PNPLA1: variants seen among roughly 807,000 people sequenced by gnomAD.
PNPLA1 encodes the protein omega-hydroxyceramide transacylase.
In PNPLA1, 36 loss-of-function variants were observed where a neutral mutation model predicts 51.7. The ratio of observed to expected loss-of-function variants is 0.70; its 90% CI spans 0.53 to 0.92. The LOEUF (loss-of-function observed/expected upper bound fraction) is 0.92, where lower values mean the gene tolerates loss of function less well. PNPLA1 is among the 40% of genes least tolerant of loss of function. The pLI is 0.00. For missense variants in PNPLA1, 658 were observed against 682.5 expected (o/e 0.96, Z 0.40); for synonymous variants, 293 against 280.1 (o/e 1.05, Z -0.46).
At chr6:36,283,895 G>A (rs1770396125) in intron 1 of PNPLA1, among the ~76,000 whole-genome samples, 1 of 152,228 alleles carries the variant, frequency 6.6e-6, no homozygotes, top group African/African-American at 2.4e-5. Flanking sequence ...CTAGATGAGA[G>A]GCAGAATTAA....
In PNPLA1 at chr6:36,307,581, G is replaced by T; in HGVS notation, c.1470-6G>T. ...AATGAACCATCTACTTAATCTCTTT[G>T]CCTAGGGAGAGCCCTGCTGAAGACT... On this transcript the variant is annotated splice_region_variant and splice_polypyrimidine_tract_variant and intron_variant, in intron 7 of 8. Transcript: ENST00000636260. 1.2e-6 allele frequency: 2 copies of T among 1,612,994 alleles called. No homozygotes were observed. Among genetic ancestry groups the T allele is most frequent in the Non-Finnish European group, 1.7e-6 (2 of 1,179,422 alleles).
intron 1 of PNPLA1, among the ~76,000 whole-genome samples, chr6:36,281,126 G>A (rs374942259): frequency 2.4e-4 from 36 of 152,144 alleles, no homozygotes; most frequent in African/African-American, 8.2e-4. Context: ...TTCCTCTTTA[G>A]CTCAGCCCAC....
intron 1 of PNPLA1, among the ~76,000 whole-genome samples, chr6:36,282,092 G>GAGAGAAAGAAAGAAA (rs59914317): frequency 2.5e-5 from 1 of 40,718 alleles, no homozygotes; most frequent in Admixed American, 2.9e-4. Context: ...AAAGAAAGAA[G>GAGAGAAAGAAAGAAA]GAAGGAAGGA....
chr6:36,252,408 G>A (rs548736072), intron 1 of PNPLA1, among the ~76,000 whole-genome samples: 2 of 152,274 alleles, frequency 1.3e-5, no homozygotes, highest in South Asian at 4.1e-4. Flanking sequence ...AGATGAGGCA[G>A]CCCTGAGCGC....
At chr6:36,282,917 T>G (rs1770364480) in intron 1 of PNPLA1, among the ~76,000 whole-genome samples, 2 of 152,322 alleles carry the variant, frequency 1.3e-5, no homozygotes, top group South Asian at 4.1e-4. Context: ...ACCCCTGACC[T>G]CGTGATCTGC....
chr6:36,248,544 C>T lies in PNPLA1; in HGVS notation c.-81+5283C>T, dbSNP rs186421760. Among the ~76,000 whole-genome samples the T allele has an allele frequency of 1.4e-3, 205 of 148,738 alleles. 3 individuals are homozygous for T. Among genetic ancestry groups the T allele is most frequent in the African/African-American group, 4.8e-3 (193 of 40,386 alleles). ...TTCTCATTTTTTTTTTTTTTTGAGACGGAGTCTTGCTCTGTCGCCCAGGCT... is the reference window on the plus strand; with the variant it reads ...TTCTCATTTTTTTTTTTTTTTGAGATGGAGTCTTGCTCTGTCGCCCAGGCT... On this transcript the variant is annotated intron_variant, in intron 1 of 7. Coordinates refer to the PNPLA1 transcript ENST00000312917.
chr6:36,307,862 T>G (rs1771291450), intron 8 of PNPLA1, 150 bp downstream of exon 8: 2 of 1,011,952 alleles, frequency 2.0e-6, no homozygotes, highest in South Asian at 2.0e-5. Context: ...CGACATAAAA[T>G]TCCTGCTCTG....
At position 36,294,423 on chromosome 6, in the gene PNPLA1, G is replaced by A; in HGVS notation, c.714+24G>A. On this transcript the variant is annotated intron_variant, in intron 4 of 8. Coordinates refer to ENST00000636260, the MANE Select transcript of PNPLA1 (RefSeq NM_001374623.1). This position sits in a 1 kb window ranked among gnomAD's most constrained non-coding sequence, Gnocchi z 4.2. ...TGGTGAGAGGCAGGAGGGGTCTGGG[G>A]AGTAGCAGAAGGTACCAGGGACTAG... 2 of 1,605,980 alleles carry A rather than the reference G, an allele frequency of 1.2e-6. No homozygotes were observed. Among genetic ancestry groups the A allele is most frequent in the Non-Finnish European group, 1.7e-6 (2 of 1,173,490 alleles).
At position 36,294,450 on chromosome 6, in the gene PNPLA1, G is replaced by A; in HGVS notation, c.714+51G>A. The A allele has an allele frequency of 5.1e-6, 8 of 1,563,200 alleles. No individual in the cohort carries two copies. The highest frequency in any genetic ancestry group is 7.0e-6 in the Non-Finnish European group (8 of 1,140,006). On this transcript the variant is annotated intron_variant, in intron 4 of 8. Transcript: ENST00000636260. This position sits in a 1 kb window ranked among gnomAD's most constrained non-coding sequence, Gnocchi z 4.2. ...GTAGCAGAAGGTACCAGGGACTAGG[G>A]GTGGGGTTAGAGAGCCACTGGGGCC...
chr6:36,301,689 G>A (rs576573511), intron 5 of PNPLA1, among the ~76,000 whole-genome samples, 172 bp from the exon 6 acceptor site: 41 of 152,286 alleles, frequency 2.7e-4, no homozygotes, highest in Admixed American at 9.1e-4. Flanking sequence ...ACACTACACC[G>A]TAAGTGCCAG....
chr6:36,251,077 G>A (rs758062243), intron 1 of PNPLA1, among the ~76,000 whole-genome samples: 26 of 152,308 alleles, frequency 1.7e-4, no homozygotes, highest in Middle Eastern at 6.8e-3. Flanking sequence ...CAAAGGGGCC[G>A]TTTCTAGTAA....
Position 36,304,785 on chromosome 6 carries a change from C to T in PNPLA1, c.1385-1507C>T, listed in dbSNP as rs181103371. On this transcript the variant is annotated intron_variant, in intron 6 of 8. Transcript: ENST00000636260. The stretch of plus-strand genomic sequence containing the variant: ...ACCTGAGCAATCCTGCACCCCAAGT[C>T]GGCATTCCTCACTCATATCGGGGGT... Among the ~76,000 whole-genome samples, 289 of 152,248 alleles carry T rather than the reference C, an allele frequency of 1.9e-3. 1 individual carries two copies. Among genetic ancestry groups the T allele is most frequent in the African/African-American group, 6.6e-3 (275 of 41,534 alleles).
At chr6:36,263,420 T>C (rs1057138012) in intron 1 of PNPLA1, among the ~76,000 whole-genome samples, 1 of 152,052 alleles carries the variant, frequency 6.6e-6, no homozygotes, top group African/African-American at 2.4e-5. Flanking sequence ...ATGAATGAAA[T>C]GAAATGATGC....
chr6:36,262,079 C>T (rs1368611167), intron 1 of PNPLA1, among the ~76,000 whole-genome samples: 1 of 152,176 alleles, frequency 6.6e-6, no homozygotes, highest in Non-Finnish European at 1.5e-5. Context: ...GGAGGGGGTG[C>T]AGAGGTTCTT....
At position 36,303,315 on chromosome 6, in the gene PNPLA1, A is replaced by C. The variant is rs187228230; in HGVS notation, c.1384+846A>C. On this transcript the variant is annotated intron_variant, in intron 6 of 8. Coordinates refer to ENST00000636260, the MANE Select transcript of PNPLA1 (RefSeq NM_001374623.1). ...TCACTGTGTTAGCCAGGATGGTCTC[A>C]ATCTCCTGACTTTGTGATCTGCCCG... Among the ~76,000 whole-genome samples the C allele has an allele frequency of 2.0e-3, 301 of 152,228 alleles. 1 individual carries two copies. The highest frequency in any genetic ancestry group is 5.0e-3 in the Admixed American group (77 of 15,306).
At chr6:36,282,044 G>GGAAGGAAAGAAAGAAAGAAA (rs1770302037) in intron 1 of PNPLA1, among the ~76,000 whole-genome samples, 2 of 34,542 alleles carry the variant, frequency 5.8e-5, no homozygotes, top group African/African-American at 3.3e-4. Flanking sequence ...AAAGAAAGAA[G>GGAAGGAAAGAAAGAAAGAAA]GAAAGAAAGA....
intron 1 of PNPLA1, among the ~76,000 whole-genome samples, chr6:36,277,335 A>G (rs891002086): frequency 6.6e-6 from 1 of 152,216 alleles, no homozygotes; most frequent in Non-Finnish European, 1.5e-5. Flanking sequence ...GCTACATCCC[A>G]TGGATTGGAA....
chr6:36,250,420 T>C lies in PNPLA1; in HGVS notation c.-81+7159T>C, dbSNP rs190489381. On this transcript the variant is annotated intron_variant, in intron 1 of 7. Coordinates refer to the PNPLA1 transcript ENST00000312917. The stretch of plus-strand genomic sequence containing the variant: ...GAAAGAGCCTAGGTGCTGGGTGACA[T>C]TGCTGAGCAGAGAAACCAACCCCAG... 1.5e-4 allele frequency among the ~76,000 whole-genome samples: 23 copies of C among 152,300 alleles called. No individual in the cohort carries two copies. In the East Asian group the frequency reaches 4.2e-3, roughly 28 times the overall value.
chr6:36,291,597 G>GGGGA, intron 2 of PNPLA1, 45 bp downstream of exon 2: 1 of 532,586 alleles, frequency 1.9e-6, no homozygotes, highest in Non-Finnish European at 3.4e-6. Context: ...GGGGGCGGGG[G>GGGGA]AGGGCGGCTC....
Sources: allele counts gnomAD v4.1 joint callset (sites outside exome capture counted in the v4.1 genomes callset), GRCh38; gene constraint gnomAD v4.1.1; non-coding constraint Gnocchi (gnomAD v3.1); transcripts MANE v1.5; gene names NCBI Gene and HGNC (gene_info 2026-07-23, HGNC 2026-07-21).